Variants in PCNT observed in about 807,000 individuals in gnomAD.
PCNT encodes the protein kendrin.
PCNT carries 319 observed loss-of-function variants against 380.4 expected under a neutral mutation model. The ratio of observed to expected loss-of-function variants is 0.84; its 90% confidence interval spans 0.77 to 0.92. The LOEUF is 0.92. Among genes scored for constraint, PCNT ranks in the 40% least tolerant of loss-of-function variants. The pLI, the probability that PCNT is intolerant of heterozygous loss-of-function variation, is 0.00. For synonymous variants in PCNT, 1,845 were observed against 1,735.2 expected (o/e 1.06, Z -1.57); for missense variants, 4,400 against 4,255.3 (o/e 1.03, Z -0.95).
chr21:46,427,911 C>T (rs2087577325), intron 34 of PCNT, 116 bp downstream of exon 34: 2 of 1,162,688 alleles, frequency 1.7e-6, no homozygotes, highest in African/African-American at 1.5e-5. Context: ...CTCTCGACCG[C>T]TGGAATGTGG....
chr21:46,414,058 C>G (rs886724579), intron 29 of PCNT, among the ~76,000 whole-genome samples: 4 of 150,992 alleles, frequency 2.6e-5, no homozygotes, highest in Non-Finnish European at 5.9e-5. Flanking sequence ...GTGGCACGAT[C>G]TCAGCTCACT....
chr21:46,385,774 A>G (rs2085807786), intron 16 of PCNT, 58 bp from the exon 17 acceptor site: 3 of 1,567,686 alleles, frequency 1.9e-6, no homozygotes. Context: ...AGTCCCTTAC[A>G]GCCATTTGCT....
intron 39 of PCNT, 77 bp from the exon 40 acceptor site, chr21:46,436,902 C>T (rs545694928): frequency 4.9e-5 from 50 of 1,026,018 alleles, no homozygotes; most frequent in East Asian, 2.9e-4. Context: ...TCTCTTGAGC[C>T]GTGAGCTCTT....
intron 2 of PCNT, among the ~76,000 whole-genome samples, chr21:46,333,992 G>A (rs1269592041): frequency 6.6e-6 from 1 of 152,148 alleles, no homozygotes; most frequent in Admixed American, 6.5e-5. Context: ...GGATCACGAG[G>A]TCAGGAGATC....
chr21:46,372,181 GCA>G (rs552944173), intron 15 of PCNT, among the ~76,000 whole-genome samples: 147 of 145,222 alleles, frequency 1.0e-3, no homozygotes, highest in African/African-American at 3.6e-3. Flanking sequence ...CACAGCACAT[GCA>G]CACACAGCAC....
chr21:46,366,574 G>T lies in PCNT; in HGVS notation c.2610-10G>T. ...TGTTTAACTGTCCTGTGTTCACTTTGTTGCCGCAGGTTTTTAGAGGAACGT... is the reference window on the plus strand; with the variant it reads ...TGTTTAACTGTCCTGTGTTCACTTTTTTGCCGCAGGTTTTTAGAGGAACGT... On this transcript the variant is annotated splice_polypyrimidine_tract_variant and intron_variant, in intron 14 of 46. Transcript: ENST00000359568. The T allele has an allele frequency of 6.2e-7, 1 of 1,612,824 alleles. No individual in the cohort carries two copies. The highest frequency in any genetic ancestry group is 8.5e-7 in the Non-Finnish European group (1 of 1,178,874).
intron 2 of PCNT, 61 bp downstream of exon 2, chr21:46,326,650 A>G (rs2083404113): frequency 1.3e-6 from 2 of 1,513,024 alleles, no homozygotes; most frequent in African/African-American, 2.7e-5. Flanking sequence ...TTCTAGTGTG[A>G]TTTACTAAAG....
rs777947573 is a variant in PCNT, at chr21:46,391,186, G to A, written c.4026G>A (p.Val1342=). ...AAGGTACCCTTGAGGGATTCAAGGT[G>A]GAGACAGCAGATCTGAAGGAGGTGC... ...KTQGTLEGFK[V]ETADLKEVLA... The change falls in exon 21 of 47, where the codon GTG becomes GTA. Residue 1342 remains valine (V), a synonymous_variant. Transcript: ENST00000359568. The A allele has an allele frequency of 6.2e-7, 1 of 1,605,708 alleles. No homozygotes were observed. The highest frequency in any genetic ancestry group is 8.5e-7 in the Non-Finnish European group (1 of 1,176,380).
intron 27 of PCNT, among the ~76,000 whole-genome samples, chr21:46,404,661 T>G (rs1269936834): frequency 6.6e-6 from 1 of 152,208 alleles, no homozygotes; most frequent in African/African-American, 2.4e-5. Flanking sequence ...AAAATTAATT[T>G]TATCAGTTGG....
chr21:46,442,439 C>A, intron 43 of PCNT, 58 bp from the exon 44 acceptor site: 2 of 1,102,054 alleles, frequency 1.8e-6, no homozygotes, highest in African/African-American at 1.5e-5. Flanking sequence ...GTTTTCATTG[C>A]TCTTTCCCTT....
At chr21:46,399,841 C>A (rs1357613756) in intron 25 of PCNT, 45 bp downstream of exon 25, 2 of 1,510,286 alleles carry the variant, frequency 1.3e-6, no homozygotes, top group Non-Finnish European at 1.8e-6. Flanking sequence ...TGAGGTGTCC[C>A]GCAGGCATGG....
At chr21:46,441,941 C>T (rs1191967967) in intron 43 of PCNT, among the ~76,000 whole-genome samples, 2 of 152,082 alleles carry the variant, frequency 1.3e-5, no homozygotes, top group African/African-American at 4.8e-5. Context: ...GGAGGGAAGC[C>T]ACAGGCATGA....
intron 7 of PCNT, among the ~76,000 whole-genome samples, chr21:46,349,439 G>C (rs1178311699): frequency 6.6e-6 from 1 of 152,182 alleles, no homozygotes; most frequent in Non-Finnish European, 1.5e-5. Context: ...CAAAGCAGCA[G>C]CTTTGTGGTT....
At chr21:46,331,205 C>G (rs775190777) in intron 2 of PCNT, among the ~76,000 whole-genome samples, 17 of 152,042 alleles carry the variant, frequency 1.1e-4, no homozygotes, top group Non-Finnish European at 2.1e-4. Flanking sequence ...GGCGCCCAGG[C>G]TGGAGTGCAG....
rs144469025 is a variant in PCNT at position 46,357,857 on chromosome 21, G to A, written c.2154+666G>A. Among the ~76,000 whole-genome samples the A allele has an allele frequency of 1.1e-3, 162 of 152,366 alleles. 4 individuals are homozygous for A. In the East Asian group the frequency reaches 0.027, roughly 25 times the overall value. On this transcript the variant is annotated intron_variant, in intron 13 of 46. Coordinates refer to ENST00000359568, the MANE Select transcript of PCNT (RefSeq NM_006031.6). ...ACCCCAAGTCTTAAATTGCGTCCGC[G>A]TTCCCCAGGCTCTTCCTGTGCTGTT...
rs765361307 is a variant in PCNT, at chr21:46,357,157, A to C, written c.2120A>C (p.Gln707Pro). 2.0e-5 allele frequency: 32 copies of C among 1,613,894 alleles called. No individual in the cohort carries two copies. Among genetic ancestry groups the C allele is most frequent in the Non-Finnish European group, 2.4e-5 (28 of 1,179,716 alleles). Reference sequence around the variant, plus strand: ...AATAGAAATTTGTATGGGAAGTTGCAGCATGAAACTCGTCTGAAGGACGAT... The same window carrying C: ...AATAGAAATTTGTATGGGAAGTTGCCGCATGAAACTCGTCTGAAGGACGAT... The part of the protein sequence containing the change: ...IENRNLYGKL[Q>P]HETRLKDDLE... The change falls in exon 13 of 47, where the codon CAG (glutamine) becomes CCG (proline). Residue 707 changes from glutamine (Q) to proline (P), a missense_variant. Gln to Pro is a moderately conservative substitution (Grantham distance 76, BLOSUM62 -1). Coordinates refer to ENST00000359568, the MANE Select transcript of PCNT (RefSeq NM_006031.6).
chr21:46,391,470 T>TA (rs2086031399), intron 21 of PCNT, 94 bp downstream of exon 21: 1 of 1,049,928 alleles, frequency 9.5e-7, no homozygotes. Context: ...TCAGTGTCTC[T>TA]AGAGGGTCAA....
intron 27 of PCNT, among the ~76,000 whole-genome samples, chr21:46,407,491 G>A (rs1321678991): frequency 6.6e-6 from 1 of 151,890 alleles, no homozygotes; most frequent in African/African-American, 2.4e-5. Context: ...ACAGGCGCCT[G>A]CCACCAGGCC....
chr21:46,412,745 T>C, intron 28 of PCNT, 92 bp from the exon 29 acceptor site: 2 of 1,358,014 alleles, frequency 1.5e-6, no homozygotes, highest in Non-Finnish European at 2.1e-6. Flanking sequence ...CCCTGCTGGC[T>C]GCCGTACTGG....
Sources: allele counts gnomAD v4.1 joint callset (sites outside exome capture counted in the v4.1 genomes callset), GRCh38; gene constraint gnomAD v4.1.1; transcripts MANE v1.5; gene names NCBI Gene and HGNC (gene_info 2026-07-23, HGNC 2026-07-21).